Variants in MCF2L2 observed in about 807,000 individuals in gnomAD.
MCF2L2 encodes MCF.2 cell line derived transforming sequence-like 2, also known as probable guanine nucleotide exchange factor MCF2L2.
MCF2L2 carries 102 observed loss-of-function variants against 150.2 expected under a neutral mutation model. That is an observed-to-expected ratio of 0.68 (90% confidence interval 0.58 to 0.80). The LOEUF (loss-of-function observed/expected upper bound fraction) is 0.80, where lower values mean the gene tolerates loss of function less well. Among genes scored for constraint, MCF2L2 ranks in the 30% least tolerant of loss-of-function variants. The pLI is 0.00. For synonymous variants in MCF2L2, 465 were observed against 491.3 expected, an observed-to-expected ratio of 0.95 and a Z score of 0.71; for missense variants, 1,256 against 1,372.8, an observed-to-expected ratio of 0.91 and a Z score of 1.34.
intron 9 of MCF2L2, among the ~76,000 whole-genome samples, chr3:183,310,127 G>A (rs1403564575): frequency 3.3e-5 from 5 of 152,134 alleles, no homozygotes; most frequent in African/African-American, 9.7e-5. Context: ...TTGGGAGGCT[G>A]AGGCAGGAGG....
chr3:183,287,326 T>C (rs909898065), intron 14 of MCF2L2, among the ~76,000 whole-genome samples: 1 of 152,110 alleles, frequency 6.6e-6, no homozygotes, highest in African/African-American at 2.4e-5. Context: ...ATGGGCAAAG[T>C]AGGTCGTAGA....
chr3:183,242,369 C>A (rs11715002), intron 15 of MCF2L2, among the ~76,000 whole-genome samples: 8,846 of 152,286 alleles, frequency 0.058, 370 homozygotes, highest in Middle Eastern at 0.11. Context: ...CCTCCCATCA[C>A]AGGCTCAGGC....
At chr3:183,269,282 G>A (rs2108443005) in intron 15 of MCF2L2, among the ~76,000 whole-genome samples, 1 of 132,178 alleles carries the variant, frequency 7.6e-6, no homozygotes, top group East Asian at 2.6e-4. Context: ...TCTGTACTCT[G>A]AATGGGAAGA....
At chr3:183,242,735 G>A (rs985650626) in intron 15 of MCF2L2, among the ~76,000 whole-genome samples, 1 of 152,158 alleles carries the variant, frequency 6.6e-6, no homozygotes, top group East Asian at 1.9e-4. Flanking sequence ...ACTGCTTGGT[G>A]GAGCTGTGAG....
chr3:183,389,839 A>C (rs1714042279), intron 1 of MCF2L2, 60 bp from the exon 2 acceptor site: 1 of 1,366,610 alleles, frequency 7.3e-7, no homozygotes, highest in South Asian at 1.2e-5. Flanking sequence ...AGAAGAAATT[A>C]AAAAGAAACA....
chr3:183,231,200 C>T, intron 15 of MCF2L2, 183 bp from the exon 16 acceptor site: 2 of 680,642 alleles, frequency 2.9e-6, no homozygotes, highest in Non-Finnish European at 5.4e-6. Context: ...CACAAACGCA[C>T]ACTGTGATCA....
chr3:183,420,578 G>A (rs1471292706), intron 1 of MCF2L2, among the ~76,000 whole-genome samples: 1 of 152,100 alleles, frequency 6.6e-6, no homozygotes, highest in African/African-American at 2.4e-5. Context: ...CAGCCTGGGC[G>A]ACAGAGCAAG....
chr3:183,273,686 T>A (rs529419466), intron 15 of MCF2L2, among the ~76,000 whole-genome samples: 4 of 152,356 alleles, frequency 2.6e-5, no homozygotes, highest in African/African-American at 9.6e-5. Context: ...TACCATTTTT[T>A]ATCTTTTATT....
chr3:183,343,898 C>CTAATAGTAAGTAAA (rs1480791078), intron 3 of MCF2L2, among the ~76,000 whole-genome samples: 9 of 152,154 alleles, frequency 5.9e-5, no homozygotes, highest in African/African-American at 2.2e-4. Flanking sequence ...TAGCCAGGTG[C>CTAATAGTAAGTAAA]AGTGGCTCAC....
At chr3:183,418,071 C>A (rs1461958519) in intron 1 of MCF2L2, among the ~76,000 whole-genome samples, 1 of 152,052 alleles carries the variant, frequency 6.6e-6, no homozygotes, top group Admixed American at 6.5e-5. Flanking sequence ...ACCTATAGTC[C>A]CAGCTACTTG....
rs537436923 is a variant in MCF2L2, at chr3:183,285,387, G to A, written c.1776+3733C>T. On this transcript the variant is annotated intron_variant, in intron 14 of 29. Transcript: ENST00000328913. ...ATAAATAATCAGATAGATAAGTTAGGTAGTTAAGTAAGCTGCCAGATTAGT... is the reference window on the plus strand; with the variant it reads ...ATAAATAATCAGATAGATAAGTTAGATAGTTAAGTAAGCTGCCAGATTAGT... Among the ~76,000 whole-genome samples the A allele has an allele frequency of 5.1e-4, 78 of 152,356 alleles. 1 individual carries two copies. Among genetic ancestry groups the A allele is most frequent in the African/African-American group, 1.9e-3 (77 of 41,582 alleles).
At position 183,403,026 on chromosome 3, in the gene MCF2L2, A is replaced by G. The variant is rs1277261877; in HGVS notation, c.77-13247T>C. ...CCAGGTGCAGTGGCTCATCCCTGTA[A>G]TCCCAGCACTTTGGGAGGCTGAGGC... is the stretch of plus-strand genomic sequence containing the variant. On this transcript the variant is annotated intron_variant, in intron 1 of 29. Transcript: ENST00000328913. Among the ~76,000 whole-genome samples the G allele has an allele frequency of 2.0e-5, 3 of 152,142 alleles. No homozygotes were observed. In the East Asian group the frequency reaches 5.8e-4, roughly 29 times the overall value.
chr3:183,294,729 C>T (rs545620464), intron 13 of MCF2L2, among the ~76,000 whole-genome samples: 5 of 148,054 alleles, frequency 3.4e-5, no homozygotes, highest in Non-Finnish European at 7.5e-5. Flanking sequence ...CCCAGGTTCA[C>T]GCCATTCTCC....
chr3:183,207,452 A>G (rs1447123251), intron 23 of MCF2L2, among the ~76,000 whole-genome samples, 156 bp downstream of exon 23: 1 of 152,250 alleles, frequency 6.6e-6, no homozygotes, highest in Non-Finnish European at 1.5e-5. Context: ...CCCTGGAGTC[A>G]GACAGACCCG....
chr3:183,320,887 C>T (rs1296208841), intron 6 of MCF2L2, among the ~76,000 whole-genome samples: 1 of 152,140 alleles, frequency 6.6e-6, no homozygotes, highest in Non-Finnish European at 1.5e-5. Context: ...GAGAGACAGG[C>T]CATTCTTCCT....
At chr3:183,245,784 C>T (rs867375945) in intron 15 of MCF2L2, among the ~76,000 whole-genome samples, 2 of 152,166 alleles carry the variant, frequency 1.3e-5, no homozygotes, top group Middle Eastern at 3.2e-3. Context: ...AAACCAATGA[C>T]ATTTAAGAAT....
intron 21 of MCF2L2, among the ~76,000 whole-genome samples, chr3:183,218,101 T>G (rs979165895): frequency 6.6e-6 from 1 of 152,252 alleles, no homozygotes; most frequent in African/African-American, 2.4e-5. Context: ...CTTTTTGTCC[T>G]CTACAGCACA....
At position 183,398,072 on chromosome 3, in the gene MCF2L2, T is replaced by G. The variant is rs144986902; in HGVS notation, c.77-8293A>C. ...AGGTACTGCCTAAGTTCAATTGCAA[T>G]GAGCCATTGAAGCAGAGATGGCTAA... On this transcript the variant is annotated intron_variant, in intron 1 of 29. Transcript: ENST00000328913. Among the ~76,000 whole-genome samples the G allele has an allele frequency of 2.8e-3, 431 of 152,280 alleles. 4 individuals are homozygous for G. Among genetic ancestry groups the G allele is most frequent in the African/African-American group, 9.4e-3 (391 of 41,554 alleles).
intron 1 of MCF2L2, among the ~76,000 whole-genome samples, chr3:183,399,393 T>G (rs1714624103): frequency 6.6e-6 from 1 of 152,168 alleles, no homozygotes. Context: ...TGGCCTGTGA[T>G]CCAAAGGGAA....
Sources: gnomAD v4.1 joint callset for allele counts (sites outside exome capture counted in the v4.1 genomes callset) on GRCh38, gnomAD v4.1.1 for gene constraint, MANE v1.5 for transcripts, NCBI Gene and HGNC (gene_info 2026-07-23, HGNC 2026-07-21) for gene names.